Variants in FAAP100 observed in about 807,000 individuals in gnomAD.
FAAP100 encodes the protein Fanconi anemia core complex-associated protein 100.
FAAP100 carries 46 observed loss-of-function variants against 65.8 expected under a neutral mutation model. The observed-to-expected ratio is 0.70, with a 90% CI of 0.55 to 0.89. FAAP100 has a LOEUF of 0.89. FAAP100 is among the 40% of genes least tolerant of loss of function. The pLI is 0.00. For missense variants in FAAP100, 1,165 were observed against 1,196.7 expected (o/e 0.97, Z 0.39); for synonymous variants, 663 against 555.1 (o/e 1.19, Z -2.73).
chr17:81,547,501 G>A lies in FAAP100; in HGVS notation c.1581C>T (p.Cys527=), dbSNP rs145803122. 1.2e-4 allele frequency: 190 copies of A among 1,613,438 alleles called. 1 individual carries two copies. The highest frequency in any genetic ancestry group is 1.1e-3 in the African/African-American group (84 of 75,062). The change falls in exon 5 of 9, where the codon TGC becomes TGT. Residue 527 remains cysteine, a synonymous_variant. Transcript: ENST00000327787. ...LQTQDVLMAT[C]VLENSSSFSL... is the part of the protein sequence containing the mutation. ...TGAAGCTGCTGCTGTTCTCTAGCAC[G>A]CAGGTGGCCATGAGCACATCCTGTG... is the stretch of plus-strand genomic sequence containing the variant.
At chr17:81,545,467 AACCCGCTATG>A (rs1217028733) in intron 6 of FAAP100, among the ~76,000 whole-genome samples, 1 of 152,220 alleles carries the variant, frequency 6.6e-6, no homozygotes, top group Non-Finnish European at 1.5e-5. Context: ...AGCACTGTGG[AACCCGCTATG>A]ACTTCAGTCC....
intron 3 of FAAP100, 37 bp from the exon 4 acceptor site, chr17:81,549,399 G>A: frequency 6.3e-7 from 1 of 1,577,934 alleles, no homozygotes; most frequent in Non-Finnish European, 8.6e-7. Flanking sequence ...GTCAGCGGCT[G>A]GGAGGGGCAA....
rs538515605 is a variant in FAAP100 at position 81,540,076 on chromosome 17, C to A, written c.*743G>T. The A allele has an allele frequency of 8.8e-6, 3 of 341,042 alleles. No individual in the cohort carries two copies. The highest frequency in any genetic ancestry group is 1.8e-4 in the South Asian group (1 of 5,408). 21.1% of individuals were successfully genotyped at this position (341,042 alleles called of 1,614,324 possible). On this transcript the variant is annotated 3_prime_UTR_variant, in exon 9 of 9. Transcript: ENST00000327787. ...GGCTGGGGGCTGGGGCTCAGGGCCCCCCCCCGGGCCACAGCGCCACCCTGA... is the reference window on the plus strand; with the variant it reads ...GGCTGGGGGCTGGGGCTCAGGGCCCACCCCCGGGCCACAGCGCCACCCTGA...
At position 81,547,417 on chromosome 17, in the gene FAAP100, G is replaced by C. The variant is rs1057460534; in HGVS notation, c.1665C>G (p.Asp555Glu). 2 of 1,612,898 alleles carry C rather than the reference G, an allele frequency of 1.2e-6. No homozygotes were observed. The highest frequency in any genetic ancestry group is 1.7e-6 in the Non-Finnish European group (2 of 1,180,030). Reference protein sequence around the residue: ...IQVLTSSCALDLDSACSAITY... With the variant: ...IQVLTSSCALELDSACSAITY... Reference sequence around the variant, plus strand: ...TGATGGCGGAGCAGGCCGAGTCCAGGTCGAGAGCACAGGAGCTGGTGAGCA... The same window carrying C: ...TGATGGCGGAGCAGGCCGAGTCCAGCTCGAGAGCACAGGAGCTGGTGAGCA... Residue 555 changes from aspartate (D) to glutamate (E), a missense_variant, in exon 5 of 9, where the codon GAC becomes GAG. Transcript: ENST00000327787.
rs918294743 is a variant in FAAP100, at chr17:81,540,232, G to A, written c.*587C>T. On this transcript the variant is annotated 3_prime_UTR_variant, in exon 9 of 9. Coordinates refer to ENST00000327787, the MANE Select transcript of FAAP100 (RefSeq NM_025161.6). The stretch of plus-strand genomic sequence containing the variant: ...CACGAGACCACGGGCACTTGCAGGA[G>A]CTCCCTGCATGCTGTTTTGTGCTTT... The A allele has an allele frequency of 1.0e-5, 4 of 398,810 alleles. No individual in the cohort carries two copies. The highest frequency in any genetic ancestry group is 8.8e-5 in the Admixed American group (2 of 22,742). 24.7% of individuals were successfully genotyped at this position (398,810 alleles called of 1,614,324 possible). A position where few individuals can be genotyped will look rare whatever the true frequency, so the allele number is the denominator to read the frequency against.
intron 4 of FAAP100, chr17:81,548,006 C>T (rs2033371741): frequency 1.4e-6 from 1 of 699,690 alleles, no homozygotes; most frequent in Non-Finnish European, 2.6e-6. Context: ...ACATCTGGGC[C>T]ACGCAGGGGC....
rs1420229636 is a variant in FAAP100 at position 81,551,052 on chromosome 17, C to T, written c.442G>A (p.Ala148Thr). Residue 148 changes from alanine to threonine, a missense_variant, in exon 3 of 9, where the codon GCC (alanine) becomes ACC (threonine). By Grantham distance (58) the Ala-to-Thr change is moderately conservative (BLOSUM62 0). Coordinates refer to ENST00000327787, the MANE Select transcript of FAAP100 (RefSeq NM_025161.6). ...SVLVTLVQGP[A>T]RWKMQLFEQP... ...TCAAACAGCTGCATCTTCCATCGGGCAGGGCCCTGCACCAGGGTGACCAGC... is the reference window on the plus strand; with the variant it reads ...TCAAACAGCTGCATCTTCCATCGGGTAGGGCCCTGCACCAGGGTGACCAGC... 1.2e-6 allele frequency: 2 copies of T among 1,600,658 alleles called. No individual in the cohort carries two copies. Among genetic ancestry groups the T allele is most frequent in the South Asian group, 2.2e-5 (2 of 89,096 alleles).
chr17:81,541,648 C>T (rs1182602229), intron 7 of FAAP100, among the ~76,000 whole-genome samples: 3 of 152,236 alleles, frequency 2.0e-5, no homozygotes, highest in East Asian at 3.8e-4. Flanking sequence ...TTCTCTCCAT[C>T]GCTGGGATCT....
At chr17:81,546,105 T>G (rs2033290958) in intron 5 of FAAP100, among the ~76,000 whole-genome samples, 1 of 152,148 alleles carries the variant, frequency 6.6e-6, no homozygotes, top group Non-Finnish European at 1.5e-5. Flanking sequence ...CTACGTTGGG[T>G]GGTGGCAGTT....
At chr17:81,544,259 T>G in intron 6 of FAAP100, 139 bp from the exon 7 acceptor site, 1 of 651,278 alleles carries the variant, frequency 1.5e-6, no homozygotes, top group East Asian at 2.8e-5. Flanking sequence ...GGCTGTCCTA[T>G]ACCCTGAAGG....
At chr17:81,551,708 C>A in intron 2 of FAAP100, 1 of 1,336,052 alleles carries the variant, frequency 7.5e-7, no homozygotes, top group Non-Finnish European at 9.5e-7. Context: ...CCGCCGTGGG[C>A]TTAACCATGT....
At chr17:81,546,070 C>T (rs534727663) in intron 5 of FAAP100, among the ~76,000 whole-genome samples, 188 bp from the exon 6 acceptor site, 1 of 152,360 alleles carries the variant, frequency 6.6e-6, no homozygotes, top group African/African-American at 2.4e-5. Context: ...GAGGCCACTG[C>T]TCAACTTTCT....
intron 7 of FAAP100, among the ~76,000 whole-genome samples, chr17:81,542,198 A>ATT (rs2033136640): frequency 5.6e-4 from 8 of 14,350 alleles, no homozygotes; most frequent in African/African-American, 1.6e-3. Flanking sequence ...AAAAAAAAAA[A>ATT]AAATATATAT....
intron 3 of FAAP100, 149 bp from the exon 4 acceptor site, chr17:81,549,511 C>G: frequency 9.5e-7 from 1 of 1,047,690 alleles, no homozygotes. Flanking sequence ...AAGGCAAATG[C>G]ACTGTCCCGA....
intron 5 of FAAP100, 140 bp downstream of exon 5, chr17:81,546,769 A>T: frequency 1.1e-6 from 1 of 909,696 alleles, no homozygotes; most frequent in Non-Finnish European, 1.5e-6. Flanking sequence ...AGAGGAGATC[A>T]ATTGAGGCCA....
intron 7 of FAAP100, among the ~76,000 whole-genome samples, chr17:81,543,566 G>A (rs74002413): frequency 3.3e-5 from 5 of 152,096 alleles, no homozygotes; most frequent in African/African-American, 9.7e-5. Context: ...TGAGTGGGGG[G>A]AACTGCAAAC....
chr17:81,543,961 C>G (rs769966327), intron 7 of FAAP100, 43 bp downstream of exon 7: 12 of 1,548,898 alleles, frequency 7.7e-6, no homozygotes, highest in Non-Finnish European at 1.1e-5. Context: ...CCTTAGTGAG[C>G]GACCCACAGA....
chr17:81,547,310 C>T lies in FAAP100; in HGVS notation c.1772G>A (p.Gly591Glu). The T allele has an allele frequency of 6.2e-7, 1 of 1,612,470 alleles. No individual in the cohort carries two copies. Among genetic ancestry groups the T allele is most frequent in the Middle Eastern group, 1.7e-4 (1 of 6,060 alleles). Residue 591 changes from glycine (G) to glutamate (E), a missense_variant, in exon 5 of 9, where the codon GGG becomes GAG. Transcript: ENST00000327787. Reference protein sequence around the residue: ...TLPLGPGENGGLDLPVTVSCT... With the variant: ...TLPLGPGENGELDLPVTVSCT... ...GGACACGGTCACGGGCAGGTCGAGC[C>T]CGCCGTTCTCACCAGGGCCCAGGGG...
At chr17:81,547,824 G>A (rs769079800) in intron 4 of FAAP100, 146 bp from the exon 5 acceptor site, 32 of 1,014,202 alleles carry the variant, frequency 3.2e-5, no homozygotes, top group Middle Eastern at 2.0e-4. Flanking sequence ...GTGAGCCCCC[G>A]CCCCAGGGGC....
Sources: gnomAD v4.1 joint callset for allele counts (sites outside exome capture counted in the v4.1 genomes callset) on GRCh38, gnomAD v4.1.1 for gene constraint, MANE v1.5 for transcripts, NCBI Gene and HGNC (gene_info 2026-07-23, HGNC 2026-07-21) for gene names.